The following POLR1C variants were observed in gnomAD, a reference collection of about 807,000 sequenced individuals.
POLR1C encodes DNA-directed RNA polymerases I and III subunit RPAC1.
In POLR1C, 42 loss-of-function variants were observed where a neutral mutation model predicts 38.3. The observed-to-expected ratio is 1.10, with a 90% confidence interval of 0.86 to 1.42. POLR1C has a LOEUF of 1.42. POLR1C is among the 40% of genes most tolerant of loss of function. The pLI is 0.00. For missense variants in POLR1C, 507 were observed against 450.5 expected, an observed-to-expected ratio of 1.13 and a Z score of -1.14; for synonymous variants, 163 against 163.9, an observed-to-expected ratio of 0.99 and a Z score of 0.04.
intron 8 of POLR1C, 27 bp downstream of exon 8, chr6:43,521,075 G>C: frequency 6.3e-7 from 1 of 1,599,034 alleles, no homozygotes; most frequent in Middle Eastern, 1.7e-4. Context: ...GAGATGAGTG[G>C]GCAGTGCTCT....
intron 9 of POLR1C, among the ~76,000 whole-genome samples, chr6:43,535,920 C>T (rs1313072662): frequency 6.6e-6 from 1 of 150,970 alleles, no homozygotes; most frequent in Non-Finnish European, 1.5e-5. Context: ...GCCAGGAGAT[C>T]AAGACCAGCC....
At chr6:43,553,572 A>C (rs923771587) in intron 10 of POLR1C, 2 of 1,510,484 alleles carry the variant, frequency 1.3e-6, no homozygotes, top group African/African-American at 1.4e-5. Context: ...GAAAGATCGC[A>C]GAAGACACAG....
intron 2 of POLR1C, among the ~76,000 whole-genome samples, chr6:43,518,364 G>C (rs1248220910): frequency 6.6e-6 from 1 of 152,142 alleles, no homozygotes; most frequent in African/African-American, 2.4e-5. Flanking sequence ...TTTTTGGCTT[G>C]GGAACTGCTT....
chr6:43,560,126 CTTA>C (rs1762339543), intron 10 of POLR1C: 20 of 1,587,752 alleles, frequency 1.3e-5, no homozygotes, highest in Non-Finnish European at 1.4e-5. Context: ...GCCTCAAAGT[CTTA>C]TTATGTGTAT....
chr6:43,541,976 C>T (rs1277737982), intron 9 of POLR1C, among the ~76,000 whole-genome samples: 1 of 152,032 alleles, frequency 6.6e-6, no homozygotes, highest in East Asian at 1.9e-4. Flanking sequence ...GATGGGGTTT[C>T]ACCATGTTGG....
downstream of POLR1C, chr6:43,531,554 T>G (rs781540389): frequency 6.2e-7 from 1 of 1,613,790 alleles, no homozygotes; most frequent in Non-Finnish European, 8.5e-7. Context: ...GTCATTGAGT[T>G]CCAAGAGAGG....
Position 43,521,454 on chromosome 6 carries a change from T to TG in POLR1C, c.*155dup, listed in dbSNP as rs1378304260. On this transcript the variant is annotated 3_prime_UTR_variant, in exon 9 of 9. Coordinates refer to ENST00000642195, the MANE Select transcript of POLR1C (RefSeq NM_203290.4). ...ACATTTTGTTAAATGTGCCATAAAA[T>TG]GAGACTTTTTACGCCTTTATAAGGC... 2.1e-5 allele frequency: 31 copies of TG among 1,498,436 alleles called. No homozygotes were observed. The East Asian group carries it at 7.8e-4, about 38-fold the overall frequency. The allele number at this position is 1,498,436 out of a possible 1,614,324, so 92.8% of individuals were successfully genotyped here. A position where few individuals can be genotyped will look rare whatever the true frequency, so the allele number is the denominator to read the frequency against.
At chr6:43,525,534 G>A, downstream of POLR1C, 1 of 507,246 alleles carries the variant, frequency 2.0e-6, no homozygotes, top group South Asian at 2.8e-5. Flanking sequence ...AAATCAAAAT[G>A]TGAGAAAACC....
downstream of POLR1C, chr6:43,524,944 C>G: frequency 6.2e-7 from 1 of 1,613,740 alleles, no homozygotes; most frequent in South Asian, 1.1e-5. Context: ...GTAACTGCAT[C>G]TGCGAGCAGT....
intron 9 of POLR1C, chr6:43,549,923 A>G (rs1204764070): frequency 6.2e-7 from 1 of 1,612,370 alleles, no homozygotes; most frequent in Non-Finnish European, 8.5e-7. Flanking sequence ...CAAAAGTGAC[A>G]GATGAAAATA....
At chr6:43,533,352 C>T (rs563838891), downstream of POLR1C, 1 of 152,718 alleles carries the variant, frequency 6.5e-6, no homozygotes, top group East Asian at 1.9e-4. Context: ...CCACAACCTA[C>T]TGGCTAAATT....
chr6:43,542,221 A>C (rs2127722087), intron 9 of POLR1C, among the ~76,000 whole-genome samples: 1 of 152,214 alleles, frequency 6.6e-6, no homozygotes, highest in African/African-American at 2.4e-5. Context: ...CCAATTCTGA[A>C]AGTACTGTAA....
chr6:43,523,832 CAAG>C (rs773520890), downstream of POLR1C: 15 of 1,613,878 alleles, frequency 9.3e-6, no homozygotes, highest in Non-Finnish European at 1.1e-5. Context: ...GAAGAGATGA[CAAG>C]AAAGGCCGAG....
intron 9 of POLR1C, chr6:43,547,446 A>T (rs529954473): frequency 1.1e-5 from 8 of 718,560 alleles, no homozygotes; most frequent in Admixed American, 2.0e-5. Flanking sequence ...TAACTCAAGA[A>T]TTCAAGACTA....
chr6:43,553,324 G>T, intron 10 of POLR1C: 1 of 1,568,598 alleles, frequency 6.4e-7, no homozygotes, highest in Non-Finnish European at 8.6e-7. Context: ...GAAAAGAAAA[G>T]AAAAAGGTCA....
intron 2 of POLR1C, among the ~76,000 whole-genome samples, chr6:43,517,988 C>G (rs1213556335): frequency 1.3e-5 from 2 of 151,820 alleles, no homozygotes; most frequent in South Asian, 4.2e-4. Flanking sequence ...CCTGTTGATA[C>G]AAGGAATAAA....
intron 10 of POLR1C, among the ~76,000 whole-genome samples, chr6:43,552,541 C>T (rs1208335635): frequency 6.6e-6 from 1 of 152,048 alleles, no homozygotes; most frequent in Non-Finnish European, 1.5e-5. Flanking sequence ...TTAGTAGAGA[C>T]AAGGTTTCAC....
intron 8 of POLR1C, chr6:43,526,970 G>T (rs1793636807): frequency 1.9e-6 from 1 of 539,972 alleles, no homozygotes; most frequent in African/African-American, 1.9e-5. Context: ...GAAAATTACA[G>T]AATTCTCTGA....
downstream of POLR1C, chr6:43,533,749 T>G: frequency 2.4e-6 from 1 of 418,648 alleles, no homozygotes; most frequent in Non-Finnish European, 4.4e-6. Context: ...GCAGGAAGAC[T>G]GCTTGAGTCC....
Sources: gnomAD v4.1 joint callset for allele counts (sites outside exome capture counted in the v4.1 genomes callset) on GRCh38, gnomAD v4.1.1 for gene constraint, MANE v1.5 for transcripts, NCBI Gene and HGNC (gene_info 2026-07-23, HGNC 2026-07-21) for gene names.